Variants in SPON1 observed in about 807,000 individuals in gnomAD.
The protein encoded by SPON1 is spondin 1.
A neutral mutation model predicts 111.7 loss-of-function variants in SPON1; 52 were observed. The ratio of observed to expected loss-of-function variants is 0.47; its 90% CI spans 0.37 to 0.59. The LOEUF (loss-of-function observed/expected upper bound fraction) is 0.59, where lower values mean the gene tolerates loss of function less well. Among genes scored for constraint, SPON1 ranks in the 20% least tolerant of loss-of-function variants. The probability of loss-of-function intolerance (pLI) is 0.00; values close to 1 mark genes in which losing one functional copy is unlikely to be tolerated. For missense variants in SPON1, 957 were observed against 1,068.5 expected, an observed-to-expected ratio of 0.90 and a Z score of 1.46; for synonymous variants, 410 against 395.8, an observed-to-expected ratio of 1.04 and a Z score of -0.43.
At chr11:14,241,895 A>T (rs1348390449) in intron 6 of SPON1, among the ~76,000 whole-genome samples, 2 of 152,114 alleles carry the variant, frequency 1.3e-5, no homozygotes, top group Non-Finnish European at 2.9e-5. Flanking sequence ...GTGCATCCCA[A>T]GATTTTTTTC....
At chr11:14,166,936 G>A (rs1554931915) in intron 6 of SPON1, among the ~76,000 whole-genome samples, 1 of 151,948 alleles carries the variant, frequency 6.6e-6, no homozygotes, top group Non-Finnish European at 1.5e-5. Context: ...ACCGAAACAA[G>A]ACAAATGTCT....
At chr11:13,970,221 G>A (rs1848052146) in intron 1 of SPON1, among the ~76,000 whole-genome samples, 1 of 152,170 alleles carries the variant, frequency 6.6e-6, no homozygotes, top group Non-Finnish European at 1.5e-5. Context: ...GGATGGAGTT[G>A]GGGTGCAGAT....
Position 13,998,221 on chromosome 11 carries a change from G to T in SPON1, c.345+15268G>T, listed in dbSNP as rs148878775. ...CACTGAGGGAATCAGAGCATTGATC[G>T]ATGGCACAGAGCCAGTAAGTGGCAG... On this transcript the variant is annotated intron_variant, in intron 2 of 15. Coordinates refer to ENST00000576479, the MANE Select transcript of SPON1 (RefSeq NM_006108.4). 5.5e-4 allele frequency among the ~76,000 whole-genome samples: 84 copies of T among 152,288 alleles called. No individual in the cohort carries two copies. The East Asian group carries it at 0.014, about 25-fold the overall frequency.
chr11:14,155,992 T>C, intron 6 of SPON1, among the ~76,000 whole-genome samples: 1 of 128,266 alleles, frequency 7.8e-6, no homozygotes, highest in Non-Finnish European at 1.8e-5. Context: ...CAGCATGATT[T>C]ATAGTCCTTT....
chr11:14,121,578 A>G (rs1564909667), intron 5 of SPON1, among the ~76,000 whole-genome samples: 1 of 151,546 alleles, frequency 6.6e-6, no homozygotes, highest in African/African-American at 2.4e-5. Flanking sequence ...TTGATGGAAG[A>G]TTTTTTTTTC....
chr11:14,176,978 T>C (rs1296738088), intron 6 of SPON1, among the ~76,000 whole-genome samples: 1 of 152,224 alleles, frequency 6.6e-6, no homozygotes, highest in Non-Finnish European at 1.5e-5. Flanking sequence ...CACAGGAGAC[T>C]GGAGTTTTAT....
At chr11:14,230,006 C>G (rs1294406169) in intron 6 of SPON1, among the ~76,000 whole-genome samples, 1 of 150,170 alleles carries the variant, frequency 6.7e-6, no homozygotes, top group Non-Finnish European at 1.5e-5. Context: ...ATTCCTAGAA[C>G]GGACACCCTT....
At chr11:14,128,455 C>T (rs191250875) in intron 5 of SPON1, among the ~76,000 whole-genome samples, 18 of 152,224 alleles carry the variant, frequency 1.2e-4, no homozygotes, top group Non-Finnish European at 2.2e-4. Context: ...ATCCAGGCCA[C>T]GTCGATGTAA....
intron 6 of SPON1, among the ~76,000 whole-genome samples, chr11:14,140,997 A>T (rs1486875730): frequency 1.3e-5 from 2 of 150,376 alleles, no homozygotes; most frequent in African/African-American, 4.9e-5. Flanking sequence ...GCAGCCCTTT[A>T]AAACATCCAC....
intron 15 of SPON1, 72 bp downstream of exon 15, chr11:14,263,047 C>T: frequency 8.3e-7 from 1 of 1,208,994 alleles, no homozygotes; most frequent in Non-Finnish European, 1.1e-6. Context: ...AAGTCTTGGA[C>T]CTGTTTAAAA....
chr11:13,966,758 G>A (rs782220882), intron 1 of SPON1, among the ~76,000 whole-genome samples: 10 of 152,186 alleles, frequency 6.6e-5, no homozygotes, highest in Non-Finnish European at 1.0e-4. Context: ...GGGTGGGTTG[G>A]TTTCAGGTCC....
intron 6 of SPON1, among the ~76,000 whole-genome samples, chr11:14,139,280 ACTC>A (rs1847624483): frequency 6.6e-6 from 1 of 151,972 alleles, no homozygotes; most frequent in South Asian, 2.1e-4. Flanking sequence ...TAACTGGTGA[ACTC>A]CTATTCATCC....
At chr11:14,210,696 C>T (rs751571271) in intron 6 of SPON1, among the ~76,000 whole-genome samples, 14 of 152,212 alleles carry the variant, frequency 9.2e-5, no homozygotes, top group Admixed American at 3.3e-4. Flanking sequence ...CCACCGCACC[C>T]GGGCATCTAG....
chr11:14,256,862 C>CA (rs1554941279), intron 10 of SPON1, among the ~76,000 whole-genome samples, 170 bp downstream of exon 10: 1 of 152,058 alleles, frequency 6.6e-6, no homozygotes, highest in East Asian at 1.9e-4. Context: ...AGGTTAGGCC[C>CA]AAAGCATAAG....
Position 13,962,945 on chromosome 11 carries a change from C to T in SPON1, c.41C>T (p.Pro14Leu). Residue 14 changes from proline (P) to leucine (L), a missense_variant, in exon 1 of 16, where the codon CCG becomes CTG. By Grantham distance (98) the Pro-to-Leu change is moderately conservative. Transcript: ENST00000576479. ...GCGCCCCTGAAGCTGAGCCGGACTCCGGCACTGCTGGCCCTGGCGCTGCCC... is the reference window on the plus strand; with the variant it reads ...GCGCCCCTGAAGCTGAGCCGGACTCTGGCACTGCTGGCCCTGGCGCTGCCC... ...SPAPLKLSRTPALLALALPLA... is the reference protein window; with the variant it reads ...SPAPLKLSRTLALLALALPLA... 1 of 1,580,700 alleles carries T rather than the reference C, an allele frequency of 6.3e-7. No individual in the cohort carries two copies. The highest frequency in any genetic ancestry group is 8.6e-7 in the Non-Finnish European group (1 of 1,165,974).
intron 6 of SPON1, among the ~76,000 whole-genome samples, chr11:14,224,210 G>A (rs57920937): frequency 0.01 from 1,534 of 152,274 alleles, 26 homozygotes; most frequent in African/African-American, 0.036. Context: ...AGCACGGAGA[G>A]TGGAGGAAAT....
chr11:14,173,263 C>T (rs1848130059), intron 6 of SPON1, among the ~76,000 whole-genome samples: 1 of 152,078 alleles, frequency 6.6e-6, no homozygotes, highest in South Asian at 2.1e-4. Flanking sequence ...TCGCTGATAC[C>T]CTTTCTTCCA....
intron 2 of SPON1, among the ~76,000 whole-genome samples, chr11:14,023,046 G>C (rs1197878120): frequency 6.6e-6 from 1 of 152,144 alleles, no homozygotes; most frequent in African/African-American, 2.4e-5. Flanking sequence ...ACCATCCAAG[G>C]CTCTGAGGTG....
chr11:14,115,814 T>C (rs1849262506), intron 5 of SPON1, among the ~76,000 whole-genome samples: 1 of 152,204 alleles, frequency 6.6e-6, no homozygotes, highest in Non-Finnish European at 1.5e-5. Context: ...TGCTGGGTTG[T>C]AATGTAAGTG....
Sources: gnomAD v4.1 joint callset for allele counts (sites outside exome capture counted in the v4.1 genomes callset) on GRCh38, gnomAD v4.1.1 for gene constraint, MANE v1.5 for transcripts, NCBI Gene and HGNC (gene_info 2026-07-23, HGNC 2026-07-21) for gene names.